HS6ST3: variants seen among roughly 807,000 people sequenced by gnomAD.
HS6ST3 encodes the protein heparan-sulfate 6-O-sulfotransferase 3.
Under a neutral mutation model 36.7 loss-of-function variants are expected in HS6ST3, and 12 were observed. The observed-to-expected ratio is 0.33, with a 90% CI of 0.21 to 0.53. The LOEUF is 0.53. Ranked by LOEUF, HS6ST3 falls within the 20% of genes least tolerant of loss-of-function variation. The pLI is 0.95. For synonymous variants in HS6ST3, 240 were observed against 257.5 expected, an observed-to-expected ratio of 0.93 and a Z score of 0.65; for missense variants, 584 against 640.9, an observed-to-expected ratio of 0.91 and a Z score of 0.96.
At chr13:96,219,959 G>T (rs1341468216) in intron 1 of HS6ST3, among the ~76,000 whole-genome samples, 1 of 152,192 alleles carries the variant, frequency 6.6e-6, no homozygotes, top group African/African-American at 2.4e-5. Flanking sequence ...TGGGATTACA[G>T]GTGTGAGCCA....
chr13:96,090,840 C>T lies in HS6ST3; in HGVS notation c.-23C>T. 1 of 1,475,698 alleles carries T rather than the reference C, an allele frequency of 6.8e-7. No homozygotes were observed. The highest frequency in any genetic ancestry group is 9.0e-7 in the Non-Finnish European group (1 of 1,108,260). The allele number at this position is 1,475,698 out of a possible 1,614,324, so 91.4% of individuals were successfully genotyped here. A position where few individuals can be genotyped will look rare whatever the true frequency, so the allele number is the denominator to read the frequency against. ...TGCCGCCGCCGCCGCCGCCGCTTCG[C>T]CTGCCGGCCTGAGAGCGGGACCATG... On this transcript the variant is annotated 5_prime_UTR_variant, in exon 1 of 2. Transcript: ENST00000376705.
intron 1 of HS6ST3, among the ~76,000 whole-genome samples, chr13:96,482,678 A>G (rs778561136): frequency 1.4e-4 from 21 of 152,082 alleles, no homozygotes; most frequent in Admixed American, 2.6e-4. Flanking sequence ...GTCCTTCGTC[A>G]CCTCAAGTTC....
At position 96,773,945 on chromosome 13, in the gene HS6ST3, C is replaced by T. The variant is rs377673969; in HGVS notation, c.708-58545C>T. Among the ~76,000 whole-genome samples the T allele has an allele frequency of 1.8e-4, 27 of 152,272 alleles. No individual in the cohort carries two copies. In the East Asian group the frequency reaches 2.5e-3, roughly 14 times the overall value. ...CAGGATAGCTCTGGCTGGCATCTGG[C>T]GGATGCCCTTCTGGGATGAAGCTTC... On this transcript the variant is annotated intron_variant, in intron 1 of 1. Coordinates refer to ENST00000376705, the MANE Select transcript of HS6ST3 (RefSeq NM_153456.4).
At chr13:96,124,608 G>T (rs2053941687) in intron 1 of HS6ST3, among the ~76,000 whole-genome samples, 1 of 152,156 alleles carries the variant, frequency 6.6e-6, no homozygotes, top group Non-Finnish European at 1.5e-5. Context: ...GGTGTTTGGG[G>T]TTAGTGTTGG....
intron 1 of HS6ST3, among the ~76,000 whole-genome samples, chr13:96,649,003 A>T (rs531885663): frequency 6.6e-6 from 1 of 151,872 alleles, no homozygotes; most frequent in East Asian, 1.9e-4. Context: ...CCTATATTTG[A>T]TCTCTTATTT....
chr13:96,634,556 A>G (rs184104846), intron 1 of HS6ST3, among the ~76,000 whole-genome samples: 41 of 152,254 alleles, frequency 2.7e-4, no homozygotes, highest in African/African-American at 9.4e-4. Context: ...TGTCTTTGCT[A>G]CTAGAAAGGT....
intron 1 of HS6ST3, among the ~76,000 whole-genome samples, chr13:96,490,378 G>T (rs557150567): frequency 2.0e-5 from 3 of 152,118 alleles, no homozygotes; most frequent in African/African-American, 7.2e-5. Flanking sequence ...TGGGGAGTAA[G>T]GTGGTCAACT....
intron 1 of HS6ST3, among the ~76,000 whole-genome samples, chr13:96,424,562 G>A (rs2055576999): frequency 6.6e-6 from 1 of 152,158 alleles, no homozygotes; most frequent in South Asian, 2.1e-4. Flanking sequence ...TGGGAGGCTG[G>A]GAAGTCCAAG....
chr13:96,831,975 A>AAAAAAAAAAAAAAAAAAC (rs1566464310), intron 1 of HS6ST3, among the ~76,000 whole-genome samples: 46 of 148,632 alleles, frequency 3.1e-4, no homozygotes, highest in African/African-American at 1.2e-3. Flanking sequence ...AAAAAAAAAA[A>AAAAAAAAAAAAAAAAAAC]AAAAACAGAG....
intron 1 of HS6ST3, among the ~76,000 whole-genome samples, chr13:96,444,934 G>A (rs575589476): frequency 6.6e-6 from 1 of 152,228 alleles, no homozygotes; most frequent in East Asian, 1.9e-4. Context: ...CATACTCTTT[G>A]AAGATCAGAA....
Position 96,691,593 on chromosome 13 carries a change from C to A in HS6ST3, c.708-140897C>A, listed in dbSNP as rs1874960947. 2.7e-5 allele frequency among the ~76,000 whole-genome samples: 4 copies of A among 150,674 alleles called. No homozygotes were observed. The South Asian group carries it at 8.4e-4, about 32-fold the overall frequency. On this transcript the variant is annotated intron_variant, in intron 1 of 1. Coordinates refer to ENST00000376705, the MANE Select transcript of HS6ST3 (RefSeq NM_153456.4). ...ATCTTATTTTATTTTTCTTTCTTTT[C>A]TCTTCCTCTTTTTCTTTTCCCCTTA...
At chr13:96,520,582 GT>G (rs1236230666) in intron 1 of HS6ST3, among the ~76,000 whole-genome samples, 3 of 152,116 alleles carry the variant, frequency 2.0e-5, no homozygotes, top group African/African-American at 7.2e-5. Flanking sequence ...TCCCTTGTAA[GT>G]TGCATTCCTA....
At chr13:96,615,299 G>T (rs2056470316) in intron 1 of HS6ST3, among the ~76,000 whole-genome samples, 1 of 152,188 alleles carries the variant, frequency 6.6e-6, no homozygotes, top group Non-Finnish European at 1.5e-5. Flanking sequence ...TAGTAGTTCA[G>T]AATTCCATGT....
intron 1 of HS6ST3, among the ~76,000 whole-genome samples, chr13:96,659,492 A>T (rs775789619): frequency 6.6e-6 from 1 of 152,040 alleles, no homozygotes; most frequent in Non-Finnish European, 1.5e-5. Flanking sequence ...GTATATTTTA[A>T]TAAATTACTT....
chr13:96,531,244 G>T (rs543122032), intron 1 of HS6ST3, among the ~76,000 whole-genome samples: 4 of 152,078 alleles, frequency 2.6e-5, no homozygotes, highest in Non-Finnish European at 5.9e-5. Context: ...CCATAGCCAG[G>T]CTCTGAGAGA....
chr13:96,277,571 T>C (rs4773947), intron 1 of HS6ST3, among the ~76,000 whole-genome samples: 74,175 of 151,982 alleles, frequency 0.49, 18,722 homozygotes, highest in African/African-American at 0.61. Flanking sequence ...AGGTTGATAG[T>C]TGAGGATATT....
At chr13:96,572,180 C>T (rs58405344) in intron 1 of HS6ST3, among the ~76,000 whole-genome samples, 2,716 of 152,230 alleles carry the variant, frequency 0.018, 83 homozygotes, top group African/African-American at 0.061. Context: ...TTGTCCTCAC[C>T]GCACAGAGAT....
At chr13:96,821,864 AAT>A (rs1308205013) in intron 1 of HS6ST3, among the ~76,000 whole-genome samples, 1 of 152,248 alleles carries the variant, frequency 6.6e-6, no homozygotes, top group Non-Finnish European at 1.5e-5. Flanking sequence ...GGATTAAAAA[AAT>A]ATATATTCTT....
At chr13:96,537,390 T>C (rs528927690) in intron 1 of HS6ST3, among the ~76,000 whole-genome samples, 3 of 152,290 alleles carry the variant, frequency 2.0e-5, no homozygotes, top group South Asian at 4.1e-4. Context: ...GGGACACAGC[T>C]AAACCATATC....
Sources: allele counts gnomAD v4.1 joint callset (sites outside exome capture counted in the v4.1 genomes callset), GRCh38; gene constraint gnomAD v4.1.1; transcripts MANE v1.5; gene names NCBI Gene and HGNC (gene_info 2026-07-23, HGNC 2026-07-21).